The following CLOCK variants were observed in gnomAD, a reference collection of about 807,000 sequenced individuals.
CLOCK encodes the protein circadian locomoter output cycles protein kaput.
CLOCK carries 43 observed loss-of-function variants against 118.4 expected under a neutral mutation model. The observed-to-expected ratio is 0.36, with a 90% CI of 0.28 to 0.47. The LOEUF is 0.47. Ranked by LOEUF, CLOCK falls within the 20% of genes least tolerant of loss-of-function variation. The probability of loss-of-function intolerance (pLI) is 1.00; values close to 1 mark genes in which losing one functional copy is unlikely to be tolerated. For synonymous variants in CLOCK, 326 were observed against 339.2 expected (o/e 0.96, Z 0.43); for missense variants, 846 against 999.9 (o/e 0.85, Z 2.08).
At chr4:55,512,380 T>C (rs1729215508) in intron 1 of CLOCK, among the ~76,000 whole-genome samples, 1 of 131,774 alleles carries the variant, frequency 7.6e-6, no homozygotes, top group Non-Finnish European at 1.7e-5. Flanking sequence ...TATATCTTCT[T>C]TGGTAAGGTT....
intron 2 of CLOCK, among the ~76,000 whole-genome samples, chr4:55,495,920 G>A (rs539197845): frequency 5.9e-5 from 9 of 152,248 alleles, no homozygotes; most frequent in African/African-American, 1.9e-4. Flanking sequence ...TGGGCGCAGT[G>A]GCTCACACCT....
chr4:55,534,853 G>A (rs1419746536), intron 1 of CLOCK, among the ~76,000 whole-genome samples: 1 of 151,880 alleles, frequency 6.6e-6, no homozygotes, highest in Non-Finnish European at 1.5e-5. Flanking sequence ...GTTGCTATCA[G>A]TTTTCTTTAA....
intron 8 of CLOCK, among the ~76,000 whole-genome samples, chr4:55,466,475 T>C (rs902459661): frequency 7.2e-5 from 11 of 152,214 alleles, no homozygotes; most frequent in African/African-American, 2.7e-4. Context: ...CTTGAAATAT[T>C]AATAGGAACT....
chr4:55,448,407 G>A (rs1184208539), intron 18 of CLOCK, among the ~76,000 whole-genome samples: 1 of 152,038 alleles, frequency 6.6e-6, no homozygotes, highest in Non-Finnish European at 1.5e-5. Flanking sequence ...TATTAGGCAG[G>A]ACAATTCTTT....
chr4:55,516,329 T>G (rs1044796530), intron 1 of CLOCK, among the ~76,000 whole-genome samples: 4 of 150,650 alleles, frequency 2.7e-5, no homozygotes, highest in African/African-American at 9.7e-5. Flanking sequence ...CAGATTAATC[T>G]GTTTCTCCTT....
chr4:55,475,305 G>A (rs1341931551), intron 7 of CLOCK, among the ~76,000 whole-genome samples: 2 of 152,184 alleles, frequency 1.3e-5, no homozygotes, highest in South Asian at 2.1e-4. Context: ...TAATAAACCC[G>A]AACTGATGAG....
At position 55,438,615 on chromosome 4, in the gene CLOCK, T is replaced by TA. The variant is rs144065403; in HGVS notation, c.2106-79dup. The TA allele has an allele frequency of 6.9e-6, 11 of 1,602,100 alleles. No individual in the cohort carries two copies. The East Asian group carries it at 2.2e-4, about 33-fold the overall frequency. On this transcript the variant is annotated intron_variant, in intron 21 of 22. Transcript: ENST00000513440. ...CATAAAACGCAGTGGAGTAAATACTTACCTAAGATAATACCCAATGACATT... is the reference window on the plus strand; with the variant it reads ...CATAAAACGCAGTGGAGTAAATACTTAACCTAAGATAATACCCAATGACATT...
chr4:55,470,263 G>A (rs1439394413), intron 8 of CLOCK, among the ~76,000 whole-genome samples: 1 of 151,952 alleles, frequency 6.6e-6, no homozygotes, highest in Non-Finnish European at 1.5e-5. Context: ...CTTTGAGACT[G>A]TACTTTTTAT....
At chr4:55,510,613 C>T (rs1235920011) in intron 1 of CLOCK, among the ~76,000 whole-genome samples, 1 of 84,706 alleles carries the variant, frequency 1.2e-5, no homozygotes, top group African/African-American at 4.9e-5. Context: ...GGCGACAGAA[C>T]AAGACTCTGT....
chr4:55,514,059 T>C (rs939824939), intron 1 of CLOCK, among the ~76,000 whole-genome samples: 1 of 152,142 alleles, frequency 6.6e-6, no homozygotes, highest in Non-Finnish European at 1.5e-5. Context: ...GCAAACAAAA[T>C]GAGTTTTATT....
chr4:55,503,172 CAT>C (rs368311516), intron 2 of CLOCK, among the ~76,000 whole-genome samples: 1 of 152,214 alleles, frequency 6.6e-6, no homozygotes, highest in African/African-American at 2.4e-5. Context: ...AATGTGTACA[CAT>C]GTGGACCAAA....
intron 8 of CLOCK, among the ~76,000 whole-genome samples, chr4:55,466,266 C>CT (rs1725733017): frequency 6.6e-6 from 1 of 152,144 alleles, no homozygotes; most frequent in Non-Finnish European, 1.5e-5. Flanking sequence ...AGCACTTCTG[C>CT]TTCCTGCTGC....
chr4:55,523,336 T>C (rs940598696), intron 1 of CLOCK, among the ~76,000 whole-genome samples: 2 of 151,840 alleles, frequency 1.3e-5, no homozygotes, highest in Non-Finnish European at 2.9e-5. Flanking sequence ...AACGGACAAA[T>C]GTAGAACTCT....
intron 3 of CLOCK, among the ~76,000 whole-genome samples, chr4:55,483,101 AT>A (rs112558594): frequency 2.6e-5 from 4 of 152,314 alleles, no homozygotes; most frequent in African/African-American, 9.6e-5. Flanking sequence ...CATTCTCAAT[AT>A]TCAGTATATA....
At position 55,442,468 on chromosome 4, in the gene CLOCK, G is replaced by A; in HGVS notation, c.2069C>T (p.Ala690Val). The change falls in exon 21 of 23, where the codon GCT (alanine) becomes GTT (valine). Residue 690 changes from alanine to valine, a missense_variant. Transcript: ENST00000513440. ...SSMPQNSTQS[A>V]AVTTFTQDRQ... The stretch of plus-strand genomic sequence containing the variant: ...GTCCTGAGTGAATGTAGTTACTGCA[G>A]CACTCTGGGTGCTGTTTTGTGGCAT... 1 of 1,608,234 alleles carries A rather than the reference G, an allele frequency of 6.2e-7. No individual in the cohort carries two copies. The highest frequency in any genetic ancestry group is 8.5e-7 in the Non-Finnish European group (1 of 1,178,894).
chr4:55,526,266 C>T (rs1730178564), intron 1 of CLOCK, among the ~76,000 whole-genome samples: 1 of 152,024 alleles, frequency 6.6e-6, no homozygotes, highest in African/African-American at 2.4e-5. Context: ...AGAAAAATTT[C>T]AACTAAGAAG....
chr4:55,528,627 G>T (rs1248229593), intron 1 of CLOCK, among the ~76,000 whole-genome samples: 1 of 152,132 alleles, frequency 6.6e-6, no homozygotes, highest in Admixed American at 6.5e-5. Flanking sequence ...ACCCAAGTGT[G>T]TTAAGTTTAA....
At chr4:55,520,575 A>G (rs1007035579) in intron 1 of CLOCK, among the ~76,000 whole-genome samples, 3 of 152,234 alleles carry the variant, frequency 2.0e-5, no homozygotes, top group Non-Finnish European at 2.9e-5. Context: ...TTTACAATAT[A>G]CATTTAAAAT....
intron 1 of CLOCK, among the ~76,000 whole-genome samples, chr4:55,511,001 G>A (rs974029451): frequency 1.3e-5 from 2 of 152,126 alleles, no homozygotes; most frequent in Non-Finnish European, 2.9e-5. Context: ...TTCTAAGCAG[G>A]AAACTAAAAG....
Sources: gnomAD v4.1 joint callset for allele counts (sites outside exome capture counted in the v4.1 genomes callset) on GRCh38, gnomAD v4.1.1 for gene constraint, MANE v1.5 for transcripts, NCBI Gene and HGNC (gene_info 2026-07-23, HGNC 2026-07-21) for gene names.